POLR1D: variants seen among roughly 807,000 people sequenced by gnomAD.
The protein encoded by POLR1D is RNA polymerase I and III subunit D, also known as DNA-directed RNA polymerases I and III subunit RPAC2.
In POLR1D, 8 loss-of-function variants were observed where a neutral mutation model predicts 10.8. That is an observed-to-expected ratio of 0.74 (90% CI 0.43 to 1.33). The LOEUF is 1.33. POLR1D is among the 40% of genes most tolerant of loss of function. The pLI is 0.01. For missense variants in POLR1D, 152 were observed against 161.7 expected, an observed-to-expected ratio of 0.94 and a Z score of 0.32; for synonymous variants, 54 against 57.2, an observed-to-expected ratio of 0.94 and a Z score of 0.25.
intron 1 of POLR1D, 48 bp from the exon 2 acceptor site, chr13:27,622,827 A>G (rs1333908709): frequency 3.2e-6 from 4 of 1,254,068 alleles, no homozygotes; most frequent in Non-Finnish European, 4.6e-6. Flanking sequence ...AGCTAGTTAC[A>G]AAACAATATT....
downstream of POLR1D, among the ~76,000 whole-genome samples, chr13:27,624,405 A>G (rs1955987018): frequency 1.3e-5 from 2 of 152,194 alleles, no homozygotes; most frequent in South Asian, 4.1e-4. Flanking sequence ...TATGGCATGC[A>G]GCTTTTCAGT....
At chr13:27,658,938 AG>A in intron 2 of POLR1D, among the ~76,000 whole-genome samples, 1 of 152,352 alleles carries the variant, frequency 6.6e-6, no homozygotes, top group Non-Finnish European at 1.5e-5. Flanking sequence ...TACTTGGAAA[AG>A]CTTATATTTT....
chr13:27,662,727 G>A (rs1474785606), intron 2 of POLR1D, among the ~76,000 whole-genome samples: 1 of 152,216 alleles, frequency 6.6e-6, no homozygotes, highest in Non-Finnish European at 1.5e-5. Context: ...GAGGAGTTAA[G>A]TAACTTGCTT....
chr13:27,652,323 G>GT (rs1196314519), intron 2 of POLR1D, among the ~76,000 whole-genome samples: 1 of 152,174 alleles, frequency 6.6e-6, no homozygotes, highest in Non-Finnish European at 1.5e-5. Context: ...ATCAGTGCTA[G>GT]TTCTGCTCTC....
intron 1 of POLR1D, among the ~76,000 whole-genome samples, chr13:27,635,696 C>CTATATATATATATA (rs3081355): frequency 1.2e-4 from 17 of 140,554 alleles, no homozygotes; most frequent in South Asian, 2.2e-4. Context: ...TACAAAGTAA[C>CTATATATATATATA]TATATATATA....
intron 2 of POLR1D, among the ~76,000 whole-genome samples, chr13:27,652,907 A>ACTTCTTTTTTTTTTTTTTTTT (rs1365436145): frequency 2.5e-5 from 2 of 78,530 alleles, no homozygotes; most frequent in African/African-American, 1.2e-4. Flanking sequence ...TGCATTTACC[A>ACTTCTTTTTTTTTTTTTTTTT]TTTCTTTTTT....
At chr13:27,630,977 A>G (rs1956066986) in intron 1 of POLR1D, among the ~76,000 whole-genome samples, 1 of 152,134 alleles carries the variant, frequency 6.6e-6, no homozygotes, top group South Asian at 2.1e-4. Flanking sequence ...GGGCCTTGGC[A>G]CTTGCCCTTT....
chr13:27,648,017 C>T (rs1185111605), intron 1 of POLR1D: 4 of 199,488 alleles, frequency 2.0e-5, no homozygotes, highest in Non-Finnish European at 1.0e-5. Context: ...ACTGGTATTT[C>T]TTTGAATAAC....
intron 2 of POLR1D, among the ~76,000 whole-genome samples, chr13:27,653,001 G>A (rs1956280333): frequency 7.6e-6 from 1 of 132,094 alleles, no homozygotes; most frequent in Non-Finnish European, 1.5e-5. Flanking sequence ...CCTGGTGCAA[G>A]CAATTCTCTG....
At chr13:27,654,081 T>C (rs1956289001) in intron 2 of POLR1D, among the ~76,000 whole-genome samples, 1 of 152,258 alleles carries the variant, frequency 6.6e-6, no homozygotes, top group Non-Finnish European at 1.5e-5. Flanking sequence ...TGATATTTTC[T>C]TACTCACTTG....
chr13:27,629,488 A>G (rs978464533), intron 1 of POLR1D, among the ~76,000 whole-genome samples: 2 of 152,226 alleles, frequency 1.3e-5, no homozygotes, highest in Admixed American at 6.5e-5. Flanking sequence ...ATGTTGAGCA[A>G]GCTGGGTTGG....
intron 2 of POLR1D, chr13:27,660,921 TG>T (rs1304039858): frequency 3.3e-5 from 5 of 152,196 alleles, no homozygotes; most frequent in Non-Finnish European, 1.5e-5. Context: ...ACAAGGTAAT[TG>T]TGTCTTCAAC....
chr13:27,635,103 A>T (rs1321529470), intron 1 of POLR1D, among the ~76,000 whole-genome samples: 3 of 152,196 alleles, frequency 2.0e-5, no homozygotes, highest in African/African-American at 7.2e-5. Flanking sequence ...TAGCTGAAAC[A>T]TGCTGGCAAT....
At position 27,621,911 on chromosome 13, in the gene POLR1D, T is replaced by C; in HGVS notation, c.-73T>C. The stretch of plus-strand genomic sequence containing the variant: ...GTCGGTCCTTGCTTCCTGCTTCGCC[T>C]CCGCGCCTCGCGCTATGGGACAGAG... On this transcript the variant is annotated 5_prime_UTR_variant, in exon 1 of 2. Coordinates refer to ENST00000302979, the MANE Select transcript of POLR1D (RefSeq NM_015972.4). 2 of 1,506,256 alleles carry C rather than the reference T, an allele frequency of 1.3e-6. No individual in the cohort carries two copies. The highest frequency in any genetic ancestry group is 1.8e-6 in the Non-Finnish European group (2 of 1,102,422). The allele number at this position is 1,506,256 out of a possible 1,614,324, so 93.3% of individuals were successfully genotyped here.
At position 27,663,184 on chromosome 13, in the gene POLR1D, A is replaced by C. The variant is rs1956381345; in HGVS notation, c.102-2502A>C. ...AATGATTTACTATATGTACCTTCACATCTGCTTGCAACTACTGTATCTCAT... is the reference window on the plus strand; with the variant it reads ...AATGATTTACTATATGTACCTTCACCTCTGCTTGCAACTACTGTATCTCAT... On this transcript the variant is annotated intron_variant, in intron 2 of 2. Coordinates refer to the POLR1D transcript ENST00000399697. The surrounding 1 kb of genome is among the most constrained non-coding windows in gnomAD (Gnocchi z 4.1). 6.6e-6 allele frequency among the ~76,000 whole-genome samples: 1 copy of C among 152,180 alleles called. No individual in the cohort carries two copies. Among genetic ancestry groups the C allele is most frequent in the East Asian group, 1.9e-4 (1 of 5,194 alleles).
chr13:27,636,646 T>C (rs1045846365), intron 1 of POLR1D, among the ~76,000 whole-genome samples: 2 of 152,222 alleles, frequency 1.3e-5, no homozygotes, highest in Non-Finnish European at 2.9e-5. Context: ...GCATTTGTAC[T>C]GAAAATGCAG....
chr13:27,632,958 A>G (rs1271006228), intron 1 of POLR1D, among the ~76,000 whole-genome samples: 1 of 152,196 alleles, frequency 6.6e-6, no homozygotes, highest in Non-Finnish European at 1.5e-5. Context: ...TGAATTTAAA[A>G]AGGGAAATAA....
intron 1 of POLR1D, among the ~76,000 whole-genome samples, chr13:27,631,814 T>C (rs1956075900): frequency 6.6e-6 from 1 of 152,200 alleles, no homozygotes; most frequent in Non-Finnish European, 1.5e-5. Flanking sequence ...TACATACCAG[T>C]GTCAGAGTAT....
intron 2 of POLR1D, among the ~76,000 whole-genome samples, chr13:27,656,421 T>C (rs943988634): frequency 6.6e-6 from 1 of 152,230 alleles, no homozygotes; most frequent in African/African-American, 2.4e-5. Flanking sequence ...AACACATTTA[T>C]TGAGTACTTA....
Sources: allele counts gnomAD v4.1 joint callset (sites outside exome capture counted in the v4.1 genomes callset), GRCh38; gene constraint gnomAD v4.1.1; non-coding constraint Gnocchi (gnomAD v3.1); transcripts MANE v1.5; gene names NCBI Gene and HGNC (gene_info 2026-07-23, HGNC 2026-07-21).